The following ROBO1 variants were observed in gnomAD, a reference collection of about 807,000 sequenced individuals.
The protein encoded by ROBO1 is roundabout homolog 1.
In ROBO1, 149 loss-of-function variants were observed where a neutral mutation model predicts 195.9. The ratio of observed to expected loss-of-function variants is 0.76; its 90% confidence interval spans 0.67 to 0.87. ROBO1 has a LOEUF of 0.87. Ranked by LOEUF, ROBO1 falls within the 40% of genes least tolerant of loss-of-function variation. ROBO1 has a pLI of 0.00. For synonymous variants in ROBO1, 816 were observed against 733.2 expected, an observed-to-expected ratio of 1.11 and a Z score of -1.82; for missense variants, 1,933 against 2,068.3, an observed-to-expected ratio of 0.93 and a Z score of 1.27.
intron 1 of ROBO1, among the ~76,000 whole-genome samples, chr3:79,765,117 C>T (rs750624817): frequency 1.3e-5 from 2 of 152,192 alleles, no homozygotes; most frequent in African/African-American, 2.4e-5. Context: ...TTTTCTGAAG[C>T]AAGGCTCCAC....
Position 78,617,880 on chromosome 3 carries a change from A to C in ROBO1, c.4037T>G (p.Leu1346Arg). ...TGTCTGCTCAAGCCCACGTAACAAA[A>C]GCCTTCTGGTTTGCATCTTGGCTAC... The part of the protein sequence containing the change: ...MEVAKMQTRR[L>R]LLRGLEQTPA... Residue 1346 changes from leucine to arginine, a missense_variant, in exon 27 of 31, where the codon CTT becomes CGT. Physicochemically the swap from Leu to Arg is moderately radical, Grantham distance 102. Coordinates refer to ENST00000464233, the MANE Select transcript of ROBO1 (RefSeq NM_002941.4). 6.2e-7 allele frequency: 1 copy of C among 1,613,954 alleles called. No individual in the cohort carries two copies. Among genetic ancestry groups the C allele is most frequent in the Non-Finnish European group, 8.5e-7 (1 of 1,179,876 alleles).
chr3:79,553,142 A>G lies in ROBO1; in HGVS notation c.88+36682T>C, dbSNP rs527981899. Reference sequence around the variant, plus strand: ...TAAATTTCACATTTGCATGCATTCAAGATCATTACTGAATGTGATCACAGT... The same window carrying G: ...TAAATTTCACATTTGCATGCATTCAGGATCATTACTGAATGTGATCACAGT... On this transcript the variant is annotated intron_variant, in intron 2 of 30. Coordinates refer to ENST00000464233, the MANE Select transcript of ROBO1 (RefSeq NM_002941.4). 4.6e-5 allele frequency among the ~76,000 whole-genome samples: 7 copies of G among 152,176 alleles called. No individual in the cohort carries two copies. In the East Asian group the frequency reaches 1.4e-3, roughly 29 times the overall value.
intron 2 of ROBO1, among the ~76,000 whole-genome samples, chr3:79,376,909 G>A (rs1460081817): frequency 6.6e-6 from 1 of 152,048 alleles, no homozygotes; most frequent in African/African-American, 2.4e-5. Flanking sequence ...CAAGATGTAA[G>A]GTTTCTTCTC....
intron 2 of ROBO1, among the ~76,000 whole-genome samples, chr3:79,523,075 A>G (rs1359850538): frequency 6.6e-6 from 1 of 152,120 alleles, no homozygotes; most frequent in African/African-American, 2.4e-5. Context: ...AAGCTGATCT[A>G]GTTGTTTTAA....
intron 4 of ROBO1, among the ~76,000 whole-genome samples, chr3:78,920,303 A>C (rs1341255409): frequency 6.7e-6 from 1 of 149,552 alleles, no homozygotes; most frequent in African/African-American, 2.5e-5. Context: ...GGCATGGACA[A>C]TTTTTTTTTT....
At chr3:79,512,045 A>G (rs964001924) in intron 2 of ROBO1, among the ~76,000 whole-genome samples, 2 of 151,938 alleles carry the variant, frequency 1.3e-5, no homozygotes, top group Non-Finnish European at 2.9e-5. Flanking sequence ...TGTAACTAAA[A>G]TGCACATCCT....
intron 4 of ROBO1, among the ~76,000 whole-genome samples, chr3:78,790,817 T>C (rs1485658177): frequency 6.6e-6 from 1 of 152,196 alleles, no homozygotes; most frequent in Non-Finnish European, 1.5e-5. Flanking sequence ...TTTGATTCCC[T>C]TTTATGGTTG....
chr3:78,608,508 C>G (rs1016064040), intron 28 of ROBO1, among the ~76,000 whole-genome samples: 1 of 152,142 alleles, frequency 6.6e-6, no homozygotes, highest in Non-Finnish European at 1.5e-5. Context: ...CTTTAAAAAT[C>G]ATTCCTCCGG....
At chr3:79,587,199 G>T (rs1943857020) in intron 2 of ROBO1, among the ~76,000 whole-genome samples, 2 of 151,374 alleles carry the variant, frequency 1.3e-5, no homozygotes, top group South Asian at 4.2e-4. Context: ...TTTTAAAAAT[G>T]TATTATACAG....
At chr3:79,150,978 A>T (rs1280087555) in intron 2 of ROBO1, among the ~76,000 whole-genome samples, 1 of 151,756 alleles carries the variant, frequency 6.6e-6, no homozygotes, top group Non-Finnish European at 1.5e-5. Context: ...CCCATGTGTC[A>T]AGGGCAGGGC....
At chr3:78,896,085 G>A (rs765003099) in intron 4 of ROBO1, among the ~76,000 whole-genome samples, 2 of 152,122 alleles carry the variant, frequency 1.3e-5, no homozygotes, top group Non-Finnish European at 2.9e-5. Context: ...GGTCAATTAT[G>A]TTCTGGACTG....
intron 2 of ROBO1, among the ~76,000 whole-genome samples, chr3:79,488,840 T>A (rs914630038): frequency 6.6e-6 from 1 of 152,172 alleles, no homozygotes; most frequent in Non-Finnish European, 1.5e-5. Context: ...CATGTATGTG[T>A]AAAGTGACAA....
intron 4 of ROBO1, among the ~76,000 whole-genome samples, chr3:78,851,137 T>C (rs1459269172): frequency 1.3e-5 from 2 of 152,126 alleles, no homozygotes; most frequent in East Asian, 3.9e-4. Context: ...TGTCATTTTT[T>C]GTTGTTGTTT....
rs1364529205 is a variant in ROBO1, at chr3:79,422,285, T to A, written c.88+167539A>T. Among the ~76,000 whole-genome samples, 3 of 151,582 alleles carry A rather than the reference T, an allele frequency of 2.0e-5. No homozygotes were observed. In the East Asian group the frequency reaches 5.8e-4, roughly 29 times the overall value. On this transcript the variant is annotated intron_variant, in intron 2 of 30. Transcript: ENST00000464233. ...AATATTTTGATTAACCTAGTGCAACTAAGTTAAGCACTTTAATATAACTTT... is the reference window on the plus strand; with the variant it reads ...AATATTTTGATTAACCTAGTGCAACAAAGTTAAGCACTTTAATATAACTTT...
chr3:79,486,651 T>G (rs570146669), intron 2 of ROBO1, among the ~76,000 whole-genome samples: 1 of 152,258 alleles, frequency 6.6e-6, no homozygotes, highest in African/African-American at 2.4e-5. Context: ...CCCAGCAAAA[T>G]TTTTAGGTAG....
intron 2 of ROBO1, among the ~76,000 whole-genome samples, chr3:79,193,398 T>G (rs1256038439): frequency 6.6e-6 from 1 of 151,600 alleles, no homozygotes; most frequent in Non-Finnish European, 1.5e-5. Flanking sequence ...ATAGTCATTA[T>G]TATTCTCATG....
At chr3:79,661,268 A>G (rs187584326) in intron 1 of ROBO1, among the ~76,000 whole-genome samples, 61 of 152,206 alleles carry the variant, frequency 4.0e-4, no homozygotes, top group African/African-American at 1.4e-3. Flanking sequence ...TGATTGATGC[A>G]GAAAGATCTG....
intron 4 of ROBO1, among the ~76,000 whole-genome samples, chr3:78,796,583 T>TA (rs2108551940): frequency 6.6e-6 from 1 of 151,734 alleles, no homozygotes; most frequent in South Asian, 2.1e-4. Flanking sequence ...CCTCTACTAC[T>TA]ACTTCCCCTA....
intron 2 of ROBO1, among the ~76,000 whole-genome samples, chr3:79,361,740 A>C (rs971193534): frequency 6.6e-6 from 1 of 151,882 alleles, no homozygotes; most frequent in African/African-American, 2.4e-5. Context: ...CATATGAAAA[A>C]CTCATTGCAT....
Sources: allele counts gnomAD v4.1 joint callset (sites outside exome capture counted in the v4.1 genomes callset), GRCh38; gene constraint gnomAD v4.1.1; transcripts MANE v1.5; gene names NCBI Gene and HGNC (gene_info 2026-07-23, HGNC 2026-07-21).